LARGE1: variants seen among roughly 807,000 people sequenced by gnomAD.
LARGE1 encodes the protein LARGE xylosyl- and glucuronyltransferase 1, also known as xylosyl- and glucuronyltransferase LARGE1.
A neutral mutation model predicts 87.6 loss-of-function variants in LARGE1; 43 were observed. The observed-to-expected ratio is 0.49, with a 90% CI of 0.38 to 0.63. LARGE1 has a LOEUF of 0.63. Ranked by LOEUF, LARGE1 falls within the 30% of genes least tolerant of loss-of-function variation. The pLI is 0.00. For missense variants in LARGE1, 802 were observed against 1,000.2 expected, an observed-to-expected ratio of 0.80 and a Z score of 2.67; for synonymous variants, 434 against 394.6, an observed-to-expected ratio of 1.10 and a Z score of -1.18.
chr22:33,731,188 A>G (rs1422904310), intron 2 of LARGE1, among the ~76,000 whole-genome samples: 4 of 151,686 alleles, frequency 2.6e-5, no homozygotes, highest in African/African-American at 9.7e-5. Flanking sequence ...TATTTTCAGT[A>G]GAGACGGGGT....
chr22:33,871,824 C>T (rs2064292892), intron 1 of LARGE1, among the ~76,000 whole-genome samples: 1 of 151,154 alleles, frequency 6.6e-6, no homozygotes, highest in South Asian at 2.1e-4. Flanking sequence ...ATTACTAATC[C>T]ATAATGAAGT....
In LARGE1 at chr22:33,669,905, A is replaced by C. The variant is rs549825489; in HGVS notation, c.107-19237T>G. Among the ~76,000 whole-genome samples, 4 of 152,372 alleles carry C rather than the reference A, an allele frequency of 2.6e-5. No homozygotes were observed. The East Asian group carries it at 7.7e-4, about 29-fold the overall frequency. ...CAACATGAATAAATGCAAAAGGCTC[A>C]CATTGACCTGCACTGTTGTTGGTAT... On this transcript the variant is annotated intron_variant, in intron 2 of 14. Transcript: ENST00000397394.
At chr22:33,252,356 C>A (rs1392104168) in intron 11 of LARGE1, among the ~76,000 whole-genome samples, 3 of 150,766 alleles carry the variant, frequency 2.0e-5, no homozygotes, top group East Asian at 2.0e-4. Context: ...AGTCTTCCAG[C>A]CTAACTCTCC....
the LARGE1 span, among the ~76,000 whole-genome samples, chr22:33,114,045 A>ATTTTTTTTTT: frequency 5.1e-4 from 69 of 135,724 alleles, no homozygotes; most frequent in Middle Eastern, 3.8e-3. Context: ...TAATTTTTCT[A>ATTTTTTTTTT]TTTTTTTTTT....
intron 5 of LARGE1, among the ~76,000 whole-genome samples, chr22:33,598,753 T>A (rs1337701450): frequency 6.6e-6 from 1 of 152,222 alleles, no homozygotes; most frequent in Non-Finnish European, 1.5e-5. Flanking sequence ...TGTGCCACAT[T>A]TTCTTGATCC....
chr22:33,250,885 GA>G (rs1359595285), intron 11 of LARGE1, among the ~76,000 whole-genome samples: 1 of 152,160 alleles, frequency 6.6e-6, no homozygotes, highest in Non-Finnish European at 1.5e-5. Flanking sequence ...ATGCACTGGT[GA>G]ATTTGATTTG....
chr22:33,552,078 G>A (rs533496234), intron 6 of LARGE1, among the ~76,000 whole-genome samples: 9 of 149,918 alleles, frequency 6.0e-5, no homozygotes, highest in African/African-American at 2.0e-4. Context: ...AGAAATATCA[G>A]ATCTTTTCAA....
At chr22:33,338,090 C>T (rs1356467711) in intron 9 of LARGE1, among the ~76,000 whole-genome samples, 3 of 152,134 alleles carry the variant, frequency 2.0e-5, no homozygotes, top group Non-Finnish European at 4.4e-5. Flanking sequence ...CCAGTTATTA[C>T]ATTGTCATCT....
At chr22:33,880,594 C>T (rs574290969) in intron 1 of LARGE1, among the ~76,000 whole-genome samples, 29 of 152,292 alleles carry the variant, frequency 1.9e-4, no homozygotes, top group Admixed American at 6.5e-4. Flanking sequence ...TTAACAGCTA[C>T]GTTCTGGTCA....
intron 11 of LARGE1, among the ~76,000 whole-genome samples, chr22:33,226,622 C>T (rs759562129): frequency 6.6e-6 from 1 of 152,166 alleles, no homozygotes; most frequent in Non-Finnish European, 1.5e-5. Context: ...ATTCTCTGGG[C>T]CTGACAAGAG....
intron 2 of LARGE1, among the ~76,000 whole-genome samples, chr22:33,667,053 C>T (rs1231112287): frequency 1.3e-5 from 2 of 152,198 alleles, no homozygotes; most frequent in Non-Finnish European, 2.9e-5. Context: ...TCTCTCTCTC[C>T]AGATCCCAGA....
At chr22:33,831,383 G>C (rs554870714) in intron 1 of LARGE1, among the ~76,000 whole-genome samples, 6 of 152,184 alleles carry the variant, frequency 3.9e-5, no homozygotes, top group Admixed American at 1.3e-4. Flanking sequence ...TTGCCTTCCT[G>C]TTCCTCCAGA....
intron 6 of LARGE1, among the ~76,000 whole-genome samples, chr22:33,482,468 T>A (rs1257196112): frequency 1.3e-5 from 2 of 152,122 alleles, no homozygotes; most frequent in Non-Finnish European, 2.9e-5. Context: ...AGTTTCTGGA[T>A]TTGGAAAACT....
At chr22:33,521,940 G>A (rs2071621432) in intron 6 of LARGE1, among the ~76,000 whole-genome samples, 1 of 152,212 alleles carries the variant, frequency 6.6e-6, no homozygotes, top group African/African-American at 2.4e-5. Flanking sequence ...CACGGCAGAA[G>A]GCAAAGGGAG....
At chr22:33,740,882 T>C (rs908255427) in intron 2 of LARGE1, among the ~76,000 whole-genome samples, 2 of 152,222 alleles carry the variant, frequency 1.3e-5, no homozygotes, top group Non-Finnish European at 2.9e-5. Flanking sequence ...AACTCAAATA[T>C]GCTCAGGATT....
chr22:33,741,094 G>A (rs2083863647), intron 2 of LARGE1, among the ~76,000 whole-genome samples: 1 of 152,208 alleles, frequency 6.6e-6, no homozygotes, highest in African/African-American at 2.4e-5. Flanking sequence ...ATTCATAAAA[G>A]AAGGCAAGCC....
At chr22:33,189,800 A>C (rs748118484) in intron 11 of LARGE1, among the ~76,000 whole-genome samples, 6 of 152,218 alleles carry the variant, frequency 3.9e-5, no homozygotes, top group Non-Finnish European at 5.9e-5. Flanking sequence ...GAAGCAAGGA[A>C]TATTCATCGC....
chr22:33,159,584 T>A (rs5754477), downstream of LARGE1, among the ~76,000 whole-genome samples: 61,306 of 139,218 alleles, frequency 0.44, 12,750 homozygotes, highest in South Asian at 0.67. Context: ...TCAATTTAAA[T>A]TTTTTTTTTT....
chr22:33,867,460 G>A (rs2064139095), intron 1 of LARGE1, among the ~76,000 whole-genome samples: 1 of 152,142 alleles, frequency 6.6e-6, no homozygotes, highest in Non-Finnish European at 1.5e-5. Flanking sequence ...CCACTGCCCA[G>A]AAAACCCCTC....
Sources: allele counts gnomAD v4.1 joint callset (sites outside exome capture counted in the v4.1 genomes callset), GRCh38; gene constraint gnomAD v4.1.1; transcripts MANE v1.5; gene names NCBI Gene and HGNC (gene_info 2026-07-23, HGNC 2026-07-21).